The following UMAD1 variants were observed in gnomAD, a reference collection of about 807,000 sequenced individuals.
The protein encoded by UMAD1 is UBAP1-MVB12-associated (UMA)-domain containing protein 1.
Under a neutral mutation model 6.1 loss-of-function variants are expected in UMAD1, and 8 were observed. That is an observed-to-expected ratio of 1.30 (90% CI 0.76 to 2.35). The LOEUF (loss-of-function observed/expected upper bound fraction) is 2.35. Ranked by LOEUF, UMAD1 falls within the 30% of genes most tolerant of loss-of-function variation. The probability of loss-of-function intolerance (pLI) is 0.00; values close to 1 mark genes in which losing one functional copy is unlikely to be tolerated. For synonymous variants in UMAD1, 56 were observed against 31.4 expected (o/e 1.78, Z -2.61); for missense variants, 130 against 78.4 (o/e 1.66, Z -2.49).
At chr7:7,827,266 A>G (rs1461503734) in intron 3 of UMAD1, among the ~76,000 whole-genome samples, 2 of 151,896 alleles carry the variant, frequency 1.3e-5, no homozygotes, top group Non-Finnish European at 2.9e-5. Flanking sequence ...AGTGTAGACT[A>G]AATTCTATAG....
intron 2 of UMAD1, among the ~76,000 whole-genome samples, chr7:7,698,493 A>C (rs370454258): frequency 5.3e-4 from 80 of 152,342 alleles, no homozygotes; most frequent in African/African-American, 1.9e-3. Flanking sequence ...CACCTGATTT[A>C]ACAAAATGTG....
At chr7:7,818,529 G>T (rs1783176353) in intron 3 of UMAD1, among the ~76,000 whole-genome samples, 1 of 152,180 alleles carries the variant, frequency 6.6e-6, no homozygotes, top group Admixed American at 6.5e-5. Flanking sequence ...ATGCTGGCAA[G>T]GTTAAGGAGA....
At position 7,827,302 on chromosome 7, in the gene UMAD1, T is replaced by G. The variant is rs1405077640; in HGVS notation, c.156+25559T>G. Among the ~76,000 whole-genome samples, 5 of 152,066 alleles carry G rather than the reference T, an allele frequency of 3.3e-5. No homozygotes were observed. In the East Asian group the frequency reaches 9.6e-4, roughly 29 times the overall value. On this transcript the variant is annotated intron_variant, in intron 3 of 3. Coordinates refer to ENST00000682710, the MANE Select transcript of UMAD1 (RefSeq NM_001302348.2). ...GAAAAATTCCAGATACAAAGAGTAATTGCTGTGGCTGCAGTGGCCAACGAA... is the reference window on the plus strand; with the variant it reads ...GAAAAATTCCAGATACAAAGAGTAAGTGCTGTGGCTGCAGTGGCCAACGAA...
rs1224409280 is a variant in UMAD1, at chr7:7,847,103, AAATATATATATATATATATATATATATAT to A, written c.157-30176_157-30148del. On this transcript the variant is annotated intron_variant, in intron 3 of 3. Coordinates refer to ENST00000682710, the MANE Select transcript of UMAD1 (RefSeq NM_001302348.2). ...ACAGCAATGCAAAAAAAAAAAAAAA[AAATATATATATATATATATATATATATAT>A]ATATATATATATATATATATATTTG... is the stretch of plus-strand genomic sequence containing the variant. Among the ~76,000 whole-genome samples, 35 of 20,764 alleles carry A rather than the reference AAATATATATATATATATATATATATATAT, an allele frequency of 1.7e-3. 3 individuals carry two copies. Among genetic ancestry groups the A allele is most frequent in the South Asian group, 3.7e-3 (2 of 534 alleles). 13.6% of individuals were successfully genotyped at this position (20,764 alleles called of 152,430 possible).
chr7:7,698,261 G>A (rs771883364), intron 2 of UMAD1, among the ~76,000 whole-genome samples: 8 of 152,214 alleles, frequency 5.3e-5, no homozygotes, highest in Non-Finnish European at 7.3e-5. Flanking sequence ...ATTTCTGTGA[G>A]AAGATTGCAA....
At chr7:7,722,050 G>A (rs558948139) in intron 2 of UMAD1, among the ~76,000 whole-genome samples, 2 of 152,026 alleles carry the variant, frequency 1.3e-5, no homozygotes, top group African/African-American at 4.8e-5. Flanking sequence ...AAGTTCTTCG[G>A]CTTTGGGACT....
chr7:7,766,552 A>G (rs760253111), intron 2 of UMAD1, among the ~76,000 whole-genome samples: 7 of 152,178 alleles, frequency 4.6e-5, no homozygotes, highest in Non-Finnish European at 8.8e-5. Context: ...CTTCTTCTCA[A>G]TCATACAGGT....
intron 1 of UMAD1, among the ~76,000 whole-genome samples, chr7:7,657,002 A>G (rs905569970): frequency 3.3e-5 from 5 of 152,130 alleles, no homozygotes; most frequent in African/African-American, 9.7e-5. Flanking sequence ...TTTAATGATC[A>G]CCATTCTAAC....
In UMAD1 at chr7:7,711,176, G is replaced by A. The variant is rs114900254; in HGVS notation, c.82+37723G>A. On this transcript the variant is annotated intron_variant, in intron 2 of 3. Coordinates refer to ENST00000682710, the MANE Select transcript of UMAD1 (RefSeq NM_001302348.2). ...GTATTGAACTATAGTTTTGCAAGAT[G>A]TTGCCATTGTGGTAAACCAGGTAGA... Among the ~76,000 whole-genome samples, 715 of 152,240 alleles carry A rather than the reference G, an allele frequency of 4.7e-3. 7 individuals are homozygous for A. Among genetic ancestry groups the A allele is most frequent in the African/African-American group, 0.017 (688 of 41,550 alleles).
At chr7:7,794,364 C>G (rs534191710) in intron 2 of UMAD1, among the ~76,000 whole-genome samples, 1 of 152,194 alleles carries the variant, frequency 6.6e-6, no homozygotes, top group East Asian at 1.9e-4. Context: ...GCCTATAAAG[C>G]TGGTGTTGAA....
intron 2 of UMAD1, among the ~76,000 whole-genome samples, chr7:7,801,011 G>T (rs950930119): frequency 2.6e-5 from 4 of 152,192 alleles, no homozygotes; most frequent in African/African-American, 9.7e-5. Context: ...AAATTAAAAT[G>T]GGCCAATTAT....
intron 3 of UMAD1, among the ~76,000 whole-genome samples, chr7:7,818,990 C>A (rs1227392213): frequency 6.6e-6 from 1 of 152,100 alleles, no homozygotes; most frequent in Non-Finnish European, 1.5e-5. Flanking sequence ...GCTGGGATTG[C>A]AGATGCATGC....
chr7:7,649,725 G>T (rs899566455), intron 1 of UMAD1, among the ~76,000 whole-genome samples: 2 of 107,792 alleles, frequency 1.9e-5, no homozygotes, highest in Admixed American at 1.9e-4. Context: ...CTGCTGCCAT[G>T]GTCCGAATGT....
chr7:7,713,142 G>A (rs549099768), intron 2 of UMAD1, among the ~76,000 whole-genome samples: 53 of 151,908 alleles, frequency 3.5e-4, no homozygotes, highest in African/African-American at 1.2e-3. Flanking sequence ...ATTGAGACCA[G>A]CCTGACCAAC....
intron 2 of UMAD1, among the ~76,000 whole-genome samples, chr7:7,783,399 T>TG (rs113076099): frequency 0.027 from 4,041 of 150,104 alleles, 168 homozygotes; most frequent in African/African-American, 0.088. Context: ...AGAAGTTGTT[T>TG]TTTTTTTTTT....
chr7:7,865,974 A>G (rs1468718841), intron 3 of UMAD1, among the ~76,000 whole-genome samples: 1 of 152,232 alleles, frequency 6.6e-6, no homozygotes, highest in Non-Finnish European at 1.5e-5. Flanking sequence ...TTGGCAAGTC[A>G]AGGAATAACT....
At chr7:7,717,348 C>T (rs1780941758) in intron 2 of UMAD1, among the ~76,000 whole-genome samples, 1 of 152,172 alleles carries the variant, frequency 6.6e-6, no homozygotes, top group Non-Finnish European at 1.5e-5. Flanking sequence ...TAAGCCACCT[C>T]GCCCAGCCTC....
chr7:7,740,548 C>G (rs545834356), intron 2 of UMAD1: 1 of 152,254 alleles, frequency 6.6e-6, no homozygotes, highest in African/African-American at 2.4e-5. Context: ...TGCTTTTCTT[C>G]TAGAATTTTG....
chr7:7,700,745 A>C (rs1780440226), intron 2 of UMAD1, among the ~76,000 whole-genome samples: 1 of 152,128 alleles, frequency 6.6e-6, no homozygotes. Flanking sequence ...AAAATTAGCC[A>C]GGCATGGTGG....
Sources: allele counts gnomAD v4.1 joint callset (sites outside exome capture counted in the v4.1 genomes callset), GRCh38; gene constraint gnomAD v4.1.1; transcripts MANE v1.5; gene names NCBI Gene and HGNC (gene_info 2026-07-23, HGNC 2026-07-21).